The following UBR2 variants were observed in gnomAD, a reference collection of about 807,000 sequenced individuals.
The protein encoded by UBR2 is E3 ubiquitin-protein ligase UBR2.
A neutral mutation model predicts 247.9 loss-of-function variants in UBR2; 92 were observed. The ratio of observed to expected loss-of-function variants is 0.37; its 90% confidence interval spans 0.31 to 0.44. UBR2 has a LOEUF of 0.44. Ranked by LOEUF, UBR2 falls within the 20% of genes least tolerant of loss-of-function variation. UBR2 has a pLI of 1.00. For synonymous variants in UBR2, 672 were observed against 693.5 expected (o/e 0.97, Z 0.49); for missense variants, 1,613 against 2,112.6 (o/e 0.76, Z 4.64).
intron 22 of UBR2, among the ~76,000 whole-genome samples, chr6:42,649,327 G>C (rs930404892): frequency 1.3e-5 from 2 of 152,116 alleles, no homozygotes; most frequent in Non-Finnish European, 1.5e-5. Flanking sequence ...CTTCCTTGTA[G>C]TCATGTACTG....
rs142632130 is a variant in UBR2, at chr6:42,646,886, G to A, written c.2410-1232G>A. Reference sequence around the variant, plus strand: ...ACCCAGGCTGGAGTACAATGGCATGGTCTTGGCTTACTATAACCTCTGCCT... The same window carrying A: ...ACCCAGGCTGGAGTACAATGGCATGATCTTGGCTTACTATAACCTCTGCCT... On this transcript the variant is annotated intron_variant, in intron 21 of 46. Transcript: ENST00000372901. Among the ~76,000 whole-genome samples the A allele has an allele frequency of 4.5e-3, 682 of 151,768 alleles. 3 individuals are homozygous for A. Among genetic ancestry groups the A allele is most frequent in the African/African-American group, 0.014 (563 of 41,394 alleles).
At chr6:42,611,797 T>G (rs1794105627) in intron 7 of UBR2, among the ~76,000 whole-genome samples, 1 of 151,702 alleles carries the variant, frequency 6.6e-6, no homozygotes, top group Non-Finnish European at 1.5e-5. Context: ...TCCCAGCTCC[T>G]TGGGAGGCTG....
At chr6:42,604,296 T>C (rs1473276627) in intron 5 of UBR2, among the ~76,000 whole-genome samples, 1 of 152,168 alleles carries the variant, frequency 6.6e-6, no homozygotes, top group Non-Finnish European at 1.5e-5. Context: ...TGTGCTTGTC[T>C]CAAACAACCT....
intron 1 of UBR2, among the ~76,000 whole-genome samples, chr6:42,571,088 A>C (rs1160956750): frequency 6.6e-6 from 1 of 151,572 alleles, no homozygotes; most frequent in Non-Finnish European, 1.5e-5. Flanking sequence ...TAGACTGCAT[A>C]ATTTTTTTTT....
Position 42,615,084 on chromosome 6 carries a change from G to T in UBR2, c.999G>T (p.Arg333=), listed in dbSNP as rs764544788. Residue 333 remains arginine (R), a synonymous_variant, in exon 9 of 47, where the codon CGG becomes CGT. Coordinates refer to ENST00000372901, the MANE Select transcript of UBR2 (RefSeq NM_001363705.2). ...TTCTATTTAAAGATGGCCTTCGCCGGATTTTATGTCAAGTTGGTTTACAAG... is the reference window on the plus strand; with the variant it reads ...TTCTATTTAAAGATGGCCTTCGCCGTATTTTATGTCAAGTTGGTTTACAAG... ...SIIGYSDGLR[R]ILCQVGLQEG... The T allele has an allele frequency of 3.7e-6, 6 of 1,612,914 alleles. No homozygotes were observed. The South Asian group carries it at 6.6e-5, about 18-fold the overall frequency.
At chr6:42,589,781 C>T (rs991440332) in intron 2 of UBR2, among the ~76,000 whole-genome samples, 2 of 152,068 alleles carry the variant, frequency 1.3e-5, no homozygotes, top group Non-Finnish European at 2.9e-5. Context: ...TCCTTTTCAA[C>T]GTTTTAAAGA....
At chr6:42,575,082 T>TA (rs1188061683) in intron 2 of UBR2, among the ~76,000 whole-genome samples, 2 of 152,238 alleles carry the variant, frequency 1.3e-5, no homozygotes, top group Admixed American at 6.5e-5. Flanking sequence ...GGGAATATGT[T>TA]ACATATACTG....
intron 33 of UBR2, among the ~76,000 whole-genome samples, chr6:42,665,736 C>A (rs928993532): frequency 2.0e-5 from 3 of 151,738 alleles, no homozygotes; most frequent in Admixed American, 6.6e-5. Context: ...CACTTATTCC[C>A]CCATTTTATT....
chr6:42,654,790 A>G (rs1332616992), intron 25 of UBR2, among the ~76,000 whole-genome samples: 1 of 152,200 alleles, frequency 6.6e-6, no homozygotes, highest in Non-Finnish European at 1.5e-5. Flanking sequence ...CAGTCTCTAG[A>G]AGTCTGGTCA....
chr6:42,606,490 T>C (rs974839373), intron 6 of UBR2, 99 bp from the exon 7 acceptor site: 7 of 1,031,522 alleles, frequency 6.8e-6, no homozygotes, highest in Non-Finnish European at 1.0e-5. Flanking sequence ...TGAAAATTGA[T>C]CAGAATTGTT....
intron 1 of UBR2, among the ~76,000 whole-genome samples, chr6:42,566,398 G>GT (rs1402976170): frequency 6.6e-6 from 1 of 151,940 alleles, no homozygotes; most frequent in African/African-American, 2.4e-5. Context: ...TTTTTTGTTT[G>GT]TTTTTTTGAG....
In UBR2 at chr6:42,689,573, C is replaced by T. The variant is rs769197553; in HGVS notation, c.5029C>T (p.Arg1677Trp). The T allele has an allele frequency of 5.6e-6, 9 of 1,613,586 alleles. No homozygotes were observed. The highest frequency in any genetic ancestry group is 1.7e-5 in the Admixed American group (1 of 59,982). The change falls in exon 46 of 47, where the codon CGG becomes TGG. Residue 1677 changes from arginine to tryptophan, a missense_variant. This residue lies in a region of UBR2 where 80 missense variants were observed against 108.6 expected (regional missense o/e 0.74). Transcript: ENST00000372901. This position sits in a 1 kb window ranked among gnomAD's most constrained non-coding sequence, Gnocchi z 4.0. ...GSGVGIFLRVRECQVLFLAGK... is the reference protein window; with the variant it reads ...GSGVGIFLRVWECQVLFLAGK... Reference sequence around the variant, plus strand: ...GTATGACTGATCTCTCTACAGAGTACGGGAATGTCAGGTGCTATTTTTAGC... The same window carrying T: ...GTATGACTGATCTCTCTACAGAGTATGGGAATGTCAGGTGCTATTTTTAGC...
intron 25 of UBR2, among the ~76,000 whole-genome samples, chr6:42,654,324 C>T (rs1021327638): frequency 1.3e-5 from 2 of 152,184 alleles, no homozygotes; most frequent in Admixed American, 1.3e-4. Flanking sequence ...ATTTACCTTA[C>T]ATGTACACTT....
chr6:42,610,699 GACTTGCTCTTT>G (rs1232383614), intron 7 of UBR2, among the ~76,000 whole-genome samples: 1 of 152,098 alleles, frequency 6.6e-6, no homozygotes, highest in East Asian at 1.9e-4. Context: ...AAGTAGCAGG[GACTTGCTCTTT>G]ATTAGGTATT....
At position 42,678,665 on chromosome 6, in the gene UBR2, T is replaced by C. The variant is rs371996907; in HGVS notation, c.4605T>C (p.Ile1535=). Residue 1535 remains isoleucine (I), a synonymous_variant, in exon 41 of 47, where the codon ATT becomes ATC. Coordinates refer to ENST00000372901, the MANE Select transcript of UBR2 (RefSeq NM_001363705.2). ...YLNGVPSPPD[I]QVPGTSHFEH... ...ATGGAGTTCCTTCCCCACCCGACAT[T>C]CAAGGTAATTTATACTTTCTTTCAA... is the stretch of plus-strand genomic sequence containing the variant. 1 of 1,610,628 alleles carries C rather than the reference T, an allele frequency of 6.2e-7. No homozygotes were observed. The highest frequency in any genetic ancestry group is 8.5e-7 in the Non-Finnish European group (1 of 1,178,958).
intron 1 of UBR2, among the ~76,000 whole-genome samples, chr6:42,571,011 A>T (rs995668477): frequency 1.3e-5 from 2 of 151,808 alleles, no homozygotes; most frequent in African/African-American, 2.4e-5. Context: ...CTTAACCAGA[A>T]GCTGATACTA....
rs1369325397 is a variant in UBR2, at chr6:42,676,882, G to A, written c.4478+9G>A. On this transcript the variant is annotated intron_variant, in intron 40 of 46. Transcript: ENST00000372901. ...CACCAGTATACGGGAAGGTGAGTTA[G>A]TTATCTTTACATAACGCATTTCCCT... The A allele has an allele frequency of 1.2e-5, 19 of 1,603,816 alleles. No individual in the cohort carries two copies. In the East Asian group the frequency reaches 2.9e-4, roughly 24 times the overall value.
intron 44 of UBR2, 66 bp downstream of exon 44, chr6:42,684,937 A>G: frequency 7.6e-7 from 1 of 1,320,172 alleles, no homozygotes; most frequent in Non-Finnish European, 1.1e-6. Flanking sequence ...AAGAATTTGA[A>G]GGATTTTGTT....
chr6:42,614,342 G>GTGTA lies in UBR2; in HGVS notation c.986-721_986-718dup, dbSNP rs1170135386. Among the ~76,000 whole-genome samples, 158 of 24,262 alleles carry GTGTA rather than the reference G, an allele frequency of 6.5e-3. 2 individuals are homozygous for GTGTA. Among genetic ancestry groups the GTGTA allele is most frequent in the African/African-American group, 0.016 (153 of 9,344 alleles). The allele number at this position is 24,262 out of a possible 152,430, so 15.9% of individuals were successfully genotyped here. A position where few individuals can be genotyped will look rare whatever the true frequency, so the allele number is the denominator to read the frequency against. ...TGTATATATGTGTATATGTGTATGT[G>GTGTA]TGTATGTATGTGTGTATATATGTGT... On this transcript the variant is annotated intron_variant, in intron 8 of 46. Transcript: ENST00000372901.
Sources: allele counts gnomAD v4.1 joint callset (sites outside exome capture counted in the v4.1 genomes callset), GRCh38; gene constraint gnomAD v4.1.1; regional missense constraint gnomAD v4.1.1; non-coding constraint Gnocchi (gnomAD v3.1); transcripts MANE v1.5; gene names NCBI Gene and HGNC (gene_info 2026-07-23, HGNC 2026-07-21).